Variants in TSHZ3 observed in about 807,000 individuals in gnomAD.
TSHZ3 encodes teashirt zinc finger homeobox 3, also known as teashirt homolog 3.
A neutral mutation model predicts 64.5 loss-of-function variants in TSHZ3; 10 were observed. That is an observed-to-expected ratio of 0.16 (90% CI 0.10 to 0.26). TSHZ3 has a LOEUF of 0.26. Ranked by LOEUF, TSHZ3 falls within the 10% of genes least tolerant of loss-of-function variation. The probability of loss-of-function intolerance (pLI) is 1.00; values close to 1 mark genes in which losing one functional copy is unlikely to be tolerated. For synonymous variants in TSHZ3, 608 were observed against 593.1 expected, an observed-to-expected ratio of 1.03 and a Z score of -0.36; for missense variants, 1,242 against 1,421.7, an observed-to-expected ratio of 0.87 and a Z score of 2.03.
At chr19:31,252,976 T>A (rs1975861476) in intron 1 of TSHZ3, among the ~76,000 whole-genome samples, 1 of 152,218 alleles carries the variant, frequency 6.6e-6, no homozygotes, top group Admixed American at 6.5e-5. Flanking sequence ...AGACAATGTA[T>A]ATTAGACAAG....
intron 1 of TSHZ3, among the ~76,000 whole-genome samples, chr19:31,257,056 G>T (rs1008095352): frequency 6.6e-6 from 1 of 152,154 alleles, no homozygotes; most frequent in South Asian, 2.1e-4. Flanking sequence ...TTTGGTGTGG[G>T]GAGTGCTCCA....
At chr19:31,300,424 G>A (rs1568373860) in intron 1 of TSHZ3, among the ~76,000 whole-genome samples, 1 of 152,180 alleles carries the variant, frequency 6.6e-6, no homozygotes, top group Non-Finnish European at 1.5e-5. Flanking sequence ...AGTTGGATAT[G>A]ATTATAATTG....
At chr19:31,271,777 A>G (rs1976143447), downstream of TSHZ3, among the ~76,000 whole-genome samples, 1 of 152,204 alleles carries the variant, frequency 6.6e-6, no homozygotes, top group South Asian at 2.1e-4. Context: ...ATAAATCCCC[A>G]GGGAGAAAGA....
At chr19:31,165,505 A>G (rs374204454) in intron 5 of TSHZ3, among the ~76,000 whole-genome samples, 2 of 152,358 alleles carry the variant, frequency 1.3e-5, no homozygotes, top group South Asian at 4.1e-4. Context: ...ATGTAAACGA[A>G]GTCATCCAAA....
chr19:31,190,376 A>C (rs370185556), intron 5 of TSHZ3, among the ~76,000 whole-genome samples: 40 of 152,168 alleles, frequency 2.6e-4, no homozygotes, highest in African/African-American at 9.6e-4. Context: ...GAGTCATAGG[A>C]GATTTATTCA....
At chr19:31,224,769 G>A (rs1975437649) in intron 4 of TSHZ3, among the ~76,000 whole-genome samples, 2 of 151,916 alleles carry the variant, frequency 1.3e-5, no homozygotes, top group African/African-American at 4.8e-5. Context: ...TAAAACAAGG[G>A]GAATCCACCA....
At chr19:31,289,681 G>A (rs944748469) in intron 1 of TSHZ3, among the ~76,000 whole-genome samples, 3 of 152,118 alleles carry the variant, frequency 2.0e-5, no homozygotes, top group East Asian at 1.9e-4. Context: ...CCTGCAGCAC[G>A]GTTCTGGCTG....
intron 1 of TSHZ3, among the ~76,000 whole-genome samples, chr19:31,345,286 A>G (rs577963553): frequency 6.6e-6 from 1 of 152,360 alleles, no homozygotes; most frequent in South Asian, 2.1e-4. Flanking sequence ...CGTGGCAGGT[A>G]TGAGACGAAA....
At chr19:31,165,734 C>A (rs570767380) in intron 5 of TSHZ3, among the ~76,000 whole-genome samples, 5 of 152,240 alleles carry the variant, frequency 3.3e-5, no homozygotes, top group Admixed American at 3.3e-4. Flanking sequence ...CAGGCCATAA[C>A]AAGGACTATG....
Position 31,159,226 on chromosome 19 carries a change from C to T in TSHZ3, n.810-2809G>A, listed in dbSNP as rs573975611. ...ATTTTGGCCAGGCTGGTCTTGAACT[C>T]CTGACCTCCGGTAATCCACCTGCCT... On this transcript the variant is annotated intron_variant and non_coding_transcript_variant, in intron 5 of 6. Transcript: ENST00000651361. Among the ~76,000 whole-genome samples, 17 of 152,298 alleles carry T rather than the reference C, an allele frequency of 1.1e-4. No homozygotes were observed. The South Asian group carries it at 3.1e-3, about 28-fold the overall frequency.
At chr19:31,350,283 C>T (rs1487258275), upstream of TSHZ3, among the ~76,000 whole-genome samples, 2 of 151,250 alleles carry the variant, frequency 1.3e-5, no homozygotes, top group African/African-American at 4.8e-5. Context: ...CCCCAGGACC[C>T]GCCGTAGCCA....
intron 5 of TSHZ3, among the ~76,000 whole-genome samples, chr19:31,194,589 AC>A (rs1458100149): frequency 2.0e-5 from 3 of 152,074 alleles, no homozygotes; most frequent in Admixed American, 2.0e-4. Context: ...TAGAGAATGC[AC>A]CCCTTCTCCC....
At chr19:31,281,445 A>G (rs1275875045) in intron 1 of TSHZ3, among the ~76,000 whole-genome samples, 1 of 152,198 alleles carries the variant, frequency 6.6e-6, no homozygotes. Flanking sequence ...CATCAGCTGC[A>G]GGGAGGGGGA....
intron 5 of TSHZ3, among the ~76,000 whole-genome samples, chr19:31,188,523 T>C (rs1974849011): frequency 1.3e-5 from 2 of 151,994 alleles, no homozygotes; most frequent in African/African-American, 4.8e-5. Context: ...TTTTTATGAA[T>C]AAGTGTTGAA....
At chr19:31,161,558 C>T (rs1974374229) in intron 5 of TSHZ3, among the ~76,000 whole-genome samples, 1 of 152,186 alleles carries the variant, frequency 6.6e-6, no homozygotes, top group Non-Finnish European at 1.5e-5. Flanking sequence ...CTCCCTTAGG[C>T]ACACACAACA....
intron 4 of TSHZ3, among the ~76,000 whole-genome samples, chr19:31,226,455 A>G (rs987160787): frequency 6.6e-6 from 1 of 152,098 alleles, no homozygotes; most frequent in South Asian, 2.1e-4. Context: ...GCCTGCCACT[A>G]TGTAAGGTGT....
chr19:31,278,377 C>A lies in TSHZ3; in HGVS notation c.1416G>T (p.Lys472Asn). ...ISPKLNVEVK[K>N]EVDKEKAVTD... ...TGACCGCTTTCTCCTTGTCGACTTC[C>A]TTCTTGACCTCCACATTCAGTTTTG... The change falls in exon 2 of 2, where the codon AAG becomes AAT. Residue 472 changes from lysine (K) to asparagine (N), a missense_variant. Coordinates refer to ENST00000240587, the MANE Select transcript of TSHZ3 (RefSeq NM_020856.4). This position sits in a 1 kb window ranked among gnomAD's most constrained non-coding sequence, Gnocchi z 4.7. The A allele has an allele frequency of 2.5e-6, 4 of 1,614,148 alleles. No homozygotes were observed. The highest frequency in any genetic ancestry group is 3.4e-6 in the Non-Finnish European group (4 of 1,180,026).
exon 3 of TSHZ3, among the ~76,000 whole-genome samples, chr19:31,242,544 T>G (rs2145184925): frequency 6.6e-6 from 1 of 152,108 alleles, no homozygotes; most frequent in South Asian, 2.1e-4. Context: ...AGTTCTGATG[T>G]CCAAAGGCAG....
rs763514348 is a variant in TSHZ3 at position 31,277,275 on chromosome 19, G to A, written c.2518C>T (p.Arg840Cys). ...VVSFMSNSPL[R>C]ENALSDISDM... ...GATATATCTGACAAGGCATTCTCGCGTAGCGGCGAGTTTGACATGAATGAT... is the reference window on the plus strand; with the variant it reads ...GATATATCTGACAAGGCATTCTCGCATAGCGGCGAGTTTGACATGAATGAT... The change falls in exon 2 of 2, where the codon CGC (arginine) becomes TGC (cysteine). Residue 840 changes from arginine (R) to cysteine (C), a missense_variant. Transcript: ENST00000240587. The surrounding 1 kb of genome is among the most constrained non-coding windows in gnomAD (Gnocchi z 4.5). 50 of 1,613,896 alleles carry A rather than the reference G, an allele frequency of 3.1e-5. No individual in the cohort carries two copies. The highest frequency in any genetic ancestry group is 6.7e-5 in the African/African-American group (5 of 74,948).
Sources: allele counts gnomAD v4.1 joint callset (sites outside exome capture counted in the v4.1 genomes callset), GRCh38; gene constraint gnomAD v4.1.1; non-coding constraint Gnocchi (gnomAD v3.1); transcripts MANE v1.5; gene names NCBI Gene and HGNC (gene_info 2026-07-23, HGNC 2026-07-21).